SFXN4: variants seen among roughly 807,000 people sequenced by gnomAD.
The protein encoded by SFXN4 is sideroflexin-4.
In SFXN4, 48 loss-of-function variants were observed where a neutral mutation model predicts 54.6. That is an observed-to-expected ratio of 0.88 (90% confidence interval 0.70 to 1.12). SFXN4 has a LOEUF of 1.12. Ranked by LOEUF, SFXN4 falls within the 50% of genes most tolerant of loss-of-function variation. The pLI is 0.00. For missense variants in SFXN4, 383 were observed against 409.2 expected (o/e 0.94, Z 0.55); for synonymous variants, 130 against 145.5 (o/e 0.89, Z 0.77).
At chr10:119,154,852 A>G (rs1420372971) in intron 11 of SFXN4, among the ~76,000 whole-genome samples, 1 of 152,134 alleles carries the variant, frequency 6.6e-6, no homozygotes, top group Non-Finnish European at 1.5e-5. Context: ...GATTATGTAC[A>G]TATATCCCAT....
At chr10:119,159,664 TAGG>T (rs1847436071) in intron 6 of SFXN4, 61 bp downstream of exon 6, 4 of 1,548,850 alleles carry the variant, frequency 2.6e-6, no homozygotes, top group African/African-American at 1.4e-5. Context: ...CAGCTGAGGT[TAGG>T]AGGAGAGTGG....
chr10:119,162,938 G>A (rs1313606206), intron 2 of SFXN4, among the ~76,000 whole-genome samples: 1 of 151,896 alleles, frequency 6.6e-6, no homozygotes, highest in Non-Finnish European at 1.5e-5. Flanking sequence ...TGCGACTACA[G>A]GCACAACCCA....
chr10:119,158,837 G>C (rs182647216), intron 6 of SFXN4, among the ~76,000 whole-genome samples: 104 of 152,252 alleles, frequency 6.8e-4, no homozygotes, highest in Admixed American at 1.6e-3. Context: ...AAAAAAATTA[G>C]CCTGCCATGG....
chr10:119,158,085 G>C (rs766418432), intron 6 of SFXN4, 23 bp from the exon 7 acceptor site: 17 of 1,610,856 alleles, frequency 1.1e-5, no homozygotes, highest in Non-Finnish European at 1.4e-5. Context: ...CAGTGGAACA[G>C]AGTTACAAGT....
chr10:119,152,780 G>A (rs555396208), intron 11 of SFXN4, among the ~76,000 whole-genome samples: 3 of 152,000 alleles, frequency 2.0e-5, no homozygotes, highest in South Asian at 2.1e-4. Context: ...CGTATTTACC[G>A]ATGGAATGAA....
chr10:119,152,644 G>A (rs1440304790), intron 11 of SFXN4, among the ~76,000 whole-genome samples: 1 of 151,954 alleles, frequency 6.6e-6, no homozygotes, highest in Non-Finnish European at 1.5e-5. Flanking sequence ...AATTCATTTA[G>A]GTAAGGAGCT....
At chr10:119,148,338 C>T (rs1007770104) in intron 11 of SFXN4, among the ~76,000 whole-genome samples, 2 of 152,110 alleles carry the variant, frequency 1.3e-5, no homozygotes, top group East Asian at 1.9e-4. Flanking sequence ...GTGTGGCGGT[C>T]GGCTGCACTT....
chr10:119,145,257 T>C (rs1846739281), intron 13 of SFXN4, among the ~76,000 whole-genome samples: 1 of 151,442 alleles, frequency 6.6e-6, no homozygotes, highest in African/African-American at 2.4e-5. Context: ...TGATCCTCAC[T>C]GAAACTGATG....
intron 13 of SFXN4, among the ~76,000 whole-genome samples, chr10:119,144,321 G>A (rs1589622237): frequency 1.3e-5 from 2 of 152,076 alleles, no homozygotes; most frequent in Non-Finnish European, 1.5e-5. Context: ...GCTGGGTGTG[G>A]TGGCGGGCGC....
In SFXN4 at chr10:119,155,179, T is replaced by C. The variant is rs373694011; in HGVS notation, c.617-2A>G. 2 of 1,604,798 alleles carry C rather than the reference T, an allele frequency of 1.2e-6. No homozygotes were observed. Among genetic ancestry groups the C allele is most frequent in the Non-Finnish European group, 1.7e-6 (2 of 1,171,586 alleles). ...AGACATTCATTCCACTGGCTTGCAC[T>C]GTAGATGTAAAGAAGTAAAGAACAC... On this transcript the variant is annotated splice_acceptor_variant, in intron 10 of 13. Coordinates refer to ENST00000355697, the MANE Select transcript of SFXN4 (RefSeq NM_213649.2). LOFTEE classifies it high-confidence loss of function.
At chr10:119,143,398 C>T (rs1342285776) in intron 13 of SFXN4, among the ~76,000 whole-genome samples, 2 of 151,802 alleles carry the variant, frequency 1.3e-5, no homozygotes, top group Non-Finnish European at 2.9e-5. Flanking sequence ...CAGGGTCTCA[C>T]TCTGTGACCC....
intron 11 of SFXN4, among the ~76,000 whole-genome samples, chr10:119,152,225 C>T (rs1323486688): frequency 6.8e-5 from 3 of 44,194 alleles, no homozygotes; most frequent in East Asian, 8.3e-4. Context: ...ATGTCTCTTT[C>T]GGGCGTTTTT....
intron 1 of SFXN4, among the ~76,000 whole-genome samples, chr10:119,164,489 A>G (rs1216172615): frequency 6.6e-6 from 1 of 152,080 alleles, no homozygotes; most frequent in East Asian, 1.9e-4. Context: ...AAAATCCCAG[A>G]CTTTGGGGGT....
At chr10:119,156,331 G>T (rs566312199) in intron 10 of SFXN4, among the ~76,000 whole-genome samples, 17 of 152,328 alleles carry the variant, frequency 1.1e-4, no homozygotes, top group African/African-American at 4.1e-4. Context: ...GGGAGACTGA[G>T]GCAGGAGAAC....
At chr10:119,141,620 C>T (rs1846528174) in intron 13 of SFXN4, among the ~76,000 whole-genome samples, 3 of 151,244 alleles carry the variant, frequency 2.0e-5, no homozygotes, top group South Asian at 4.2e-4. Context: ...AAGTCATTCT[C>T]ATGCCTCAGC....
chr10:119,161,437 C>CAAA (rs1554888747), intron 3 of SFXN4, among the ~76,000 whole-genome samples: 49 of 119,758 alleles, frequency 4.1e-4, no homozygotes, highest in South Asian at 5.5e-4. Context: ...CAAAAAAAAA[C>CAAA]AAAAAAAAAA....
Position 119,159,743 on chromosome 10 carries a change from AGGCAGGAACGCT to A in SFXN4, c.335-2_344del. 1 of 1,614,104 alleles carries A rather than the reference AGGCAGGAACGCT, an allele frequency of 6.2e-7. No individual in the cohort carries two copies. Among genetic ancestry groups the A allele is most frequent in the Non-Finnish European group, 8.5e-7 (1 of 1,180,014 alleles). ...GCTTGCTCACCGTGGGTGCCATGAAAGGCAGGAACGCTGGCAGGAAGAGAAGAGAGGAGGTGT... is the reference window on the plus strand; with the variant it reads ...GCTTGCTCACCGTGGGTGCCATGAAAGGCAGGAAGAGAAGAGAGGAGGTGT... On this transcript the variant is annotated splice_acceptor_variant and coding_sequence_variant, in exon 6 of 14. Transcript: ENST00000355697. LOFTEE classifies it high-confidence loss of function.
intron 11 of SFXN4, among the ~76,000 whole-genome samples, chr10:119,150,408 G>A (rs1471029458): frequency 6.6e-6 from 1 of 152,136 alleles, no homozygotes; most frequent in African/African-American, 2.4e-5. Context: ...TAAGCTGGGT[G>A]CAGTGCCTCA....
chr10:119,164,826 C>T (rs1847703054), intron 1 of SFXN4, among the ~76,000 whole-genome samples: 1 of 152,032 alleles, frequency 6.6e-6, no homozygotes. Flanking sequence ...AAGAGAACCC[C>T]CTAAAGCCCT....
Sources: gnomAD v4.1 joint callset for allele counts (sites outside exome capture counted in the v4.1 genomes callset) on GRCh38, gnomAD v4.1.1 for gene constraint, MANE v1.5 for transcripts, NCBI Gene and HGNC (gene_info 2026-07-23, HGNC 2026-07-21) for gene names.